Variants in PARD3B observed in about 807,000 individuals in gnomAD.
The protein encoded by PARD3B is par-3 family cell polarity regulator beta.
A neutral mutation model predicts 130.2 loss-of-function variants in PARD3B; 103 were observed. The ratio of observed to expected loss-of-function variants is 0.79; its 90% CI spans 0.67 to 0.93. The LOEUF is 0.93. Among genes scored for constraint, PARD3B ranks in the 40% least tolerant of loss-of-function variants. The probability of loss-of-function intolerance (pLI) is 0.00; values close to 1 mark genes in which losing one functional copy is unlikely to be tolerated. For missense variants in PARD3B, 1,609 were observed against 1,499.2 expected (o/e 1.07, Z -1.21); for synonymous variants, 583 against 553.2 (o/e 1.05, Z -0.76).
At chr2:204,751,217 T>A (rs1161151077) in intron 2 of PARD3B, among the ~76,000 whole-genome samples, 1 of 152,096 alleles carries the variant, frequency 6.6e-6, no homozygotes, top group Non-Finnish European at 1.5e-5. Flanking sequence ...GTTGCAGAAG[T>A]TTGAGATGAT....
At chr2:204,776,222 C>G (rs2041611482) in intron 2 of PARD3B, among the ~76,000 whole-genome samples, 1 of 152,132 alleles carries the variant, frequency 6.6e-6, no homozygotes, top group African/African-American at 2.4e-5. Context: ...GCAATTACAG[C>G]TGTTGATATG....
At chr2:205,181,233 T>C (rs1429261828) in intron 13 of PARD3B, among the ~76,000 whole-genome samples, 1 of 152,174 alleles carries the variant, frequency 6.6e-6, no homozygotes, top group Non-Finnish European at 1.5e-5. Flanking sequence ...AGACACATCA[T>C]AGTAGAATTA....
intron 2 of PARD3B, among the ~76,000 whole-genome samples, chr2:204,831,997 C>T (rs2125568382): frequency 1.3e-5 from 2 of 152,174 alleles, no homozygotes; most frequent in Admixed American, 1.3e-4. Flanking sequence ...CCGAGATGGG[C>T]GGATCATGAG....
intron 19 of PARD3B, among the ~76,000 whole-genome samples, chr2:205,427,330 T>G (rs1388053663): frequency 6.6e-6 from 1 of 152,258 alleles, no homozygotes; most frequent in African/African-American, 2.4e-5. Flanking sequence ...ATTATGACAT[T>G]ATTTGCAATA....
chr2:205,318,566 T>G (rs186895761), intron 18 of PARD3B, among the ~76,000 whole-genome samples: 1 of 152,324 alleles, frequency 6.6e-6, no homozygotes, highest in Admixed American at 6.5e-5. Flanking sequence ...CTATTTTCAA[T>G]ACAGCTTCTT....
At chr2:204,950,497 G>A (rs1320236014) in intron 2 of PARD3B, among the ~76,000 whole-genome samples, 2 of 152,092 alleles carry the variant, frequency 1.3e-5, no homozygotes, top group East Asian at 1.9e-4. Flanking sequence ...GAGGGCGTGC[G>A]GGGTGGGAGG....
chr2:205,079,964 G>A (rs1701304951), intron 4 of PARD3B, among the ~76,000 whole-genome samples: 2 of 152,190 alleles, frequency 1.3e-5, no homozygotes, highest in African/African-American at 2.4e-5. Context: ...GGTGAGCTAT[G>A]GTATAGAATT....
chr2:204,682,576 C>T (rs981398958), intron 1 of PARD3B, among the ~76,000 whole-genome samples: 12 of 152,132 alleles, frequency 7.9e-5, no homozygotes, highest in African/African-American at 2.9e-4. Flanking sequence ...AGGTAAGATT[C>T]TTCTAGTAAA....
chr2:204,763,100 T>A (rs978089712), intron 2 of PARD3B, among the ~76,000 whole-genome samples: 1 of 152,210 alleles, frequency 6.6e-6, no homozygotes, highest in African/African-American at 2.4e-5. Context: ...TTCCCTCTAT[T>A]GCCCTCTGCC....
At chr2:205,412,013 T>C (rs776212778) in intron 19 of PARD3B, among the ~76,000 whole-genome samples, 4 of 152,162 alleles carry the variant, frequency 2.6e-5, no homozygotes, top group Non-Finnish European at 4.4e-5. Context: ...GCATTTCCAT[T>C]CTATATATTA....
chr2:205,493,976 G>A lies in PARD3B; in HGVS notation c.3045-5920G>A, dbSNP rs181399936. On this transcript the variant is annotated intron_variant, in intron 20 of 22. Transcript: ENST00000406610. ...GGGTTTCACCATGTTGGCCAGGCTAGTCTCGAACTCCTGACCTCAGGTGAT... is the reference window on the plus strand; with the variant it reads ...GGGTTTCACCATGTTGGCCAGGCTAATCTCGAACTCCTGACCTCAGGTGAT... Among the ~76,000 whole-genome samples, 193 of 152,006 alleles carry A rather than the reference G, an allele frequency of 1.3e-3. 2 individuals are homozygous for A. Among genetic ancestry groups the A allele is most frequent in the African/African-American group, 4.5e-3 (186 of 41,482 alleles).
intron 4 of PARD3B, among the ~76,000 whole-genome samples, chr2:205,052,629 T>C (rs1218545308): frequency 1.3e-5 from 2 of 151,470 alleles, no homozygotes; most frequent in African/African-American, 2.4e-5. Flanking sequence ...AATCAACCAC[T>C]GTTTGGGGGT....
At chr2:204,782,781 G>A (rs2041884188) in intron 2 of PARD3B, among the ~76,000 whole-genome samples, 1 of 151,844 alleles carries the variant, frequency 6.6e-6, no homozygotes, top group Admixed American at 6.6e-5. Context: ...ATCTCTTACA[G>A]TTTTCTTACT....
chr2:205,168,320 A>AGAGAGAGAGTGTGT (rs371904121), intron 11 of PARD3B, among the ~76,000 whole-genome samples: 28 of 119,696 alleles, frequency 2.3e-4, no homozygotes, highest in Non-Finnish European at 2.6e-4. Context: ...AGAGAGAGAG[A>AGAGAGAGAGTGTGT]GTGTGTGTGT....
chr2:204,672,756 T>C (rs1020077035), intron 1 of PARD3B, among the ~76,000 whole-genome samples: 10 of 152,184 alleles, frequency 6.6e-5, no homozygotes, highest in African/African-American at 2.4e-4. Flanking sequence ...TTCCTGCTGA[T>C]TTTATTCTTT....
chr2:205,282,770 T>C (rs1179342831), intron 16 of PARD3B, among the ~76,000 whole-genome samples: 1 of 152,104 alleles, frequency 6.6e-6, no homozygotes, highest in African/African-American at 2.4e-5. Context: ...AAAAGGAAGT[T>C]GGAGGAAAGA....
At chr2:204,891,954 C>T (rs1212129850) in intron 2 of PARD3B, among the ~76,000 whole-genome samples, 2 of 152,138 alleles carry the variant, frequency 1.3e-5, no homozygotes, top group Admixed American at 1.3e-4. Context: ...ACATGGCAAC[C>T]AGTGGAATGC....
rs1213487965 is a variant in PARD3B at position 205,550,941 on chromosome 2, G to GTATATA, written c.3181-2377_3181-2372dup. Among the ~76,000 whole-genome samples, 1 of 114,758 alleles carries GTATATA rather than the reference G, an allele frequency of 8.7e-6. No individual in the cohort carries two copies. The allele number at this position is 114,758 out of a possible 152,430, so 75.3% of individuals were successfully genotyped here. On this transcript the variant is annotated intron_variant, in intron 21 of 22. Coordinates refer to ENST00000406610, the MANE Select transcript of PARD3B (RefSeq NM_001302769.2). The surrounding 1 kb of genome is among the most constrained non-coding windows in gnomAD (Gnocchi z 4.5). The stretch of plus-strand genomic sequence containing the variant: ...TATAATTATGTGTGTGTGTGTGTGT[G>GTATATA]TATATATATATGTGTATATATATAT...
intron 2 of PARD3B, among the ~76,000 whole-genome samples, chr2:204,786,113 C>CAAAAA (rs56704816): frequency 1.1e-5 from 1 of 94,032 alleles, no homozygotes; most frequent in African/African-American, 3.9e-5. Context: ...GACTCCATCT[C>CAAAAA]AAAAAAAAAA....
Sources: allele counts gnomAD v4.1 joint callset (sites outside exome capture counted in the v4.1 genomes callset), GRCh38; gene constraint gnomAD v4.1.1; non-coding constraint Gnocchi (gnomAD v3.1); transcripts MANE v1.5; gene names NCBI Gene and HGNC (gene_info 2026-07-23, HGNC 2026-07-21).